The following DPP10 variants were observed in gnomAD, a reference collection of about 807,000 sequenced individuals.
DPP10 encodes inactive dipeptidyl peptidase 10.
In DPP10, 33 loss-of-function variants were observed where a neutral mutation model predicts 120.9. The observed-to-expected ratio is 0.27, with a 90% CI of 0.21 to 0.37. The LOEUF (loss-of-function observed/expected upper bound fraction) is 0.37, where lower values mean the gene tolerates loss of function less well. DPP10 is among the 10% of genes least tolerant of loss of function. The probability of loss-of-function intolerance (pLI) is 1.00; values close to 1 mark genes in which losing one functional copy is unlikely to be tolerated. For missense variants in DPP10, 816 were observed against 942.8 expected (o/e 0.87, Z 1.76); for synonymous variants, 337 against 326.1 (o/e 1.03, Z -0.36).
chr2:115,102,745 G>GAAAA, intron 1 of DPP10, among the ~76,000 whole-genome samples: 1 of 141,418 alleles, frequency 7.1e-6, no homozygotes. Flanking sequence ...TTCATTGACT[G>GAAAA]AAAAAAAAAA....
At chr2:114,545,527 T>C (rs112726723) in intron 1 of DPP10, among the ~76,000 whole-genome samples, 58 of 152,352 alleles carry the variant, frequency 3.8e-4, no homozygotes, top group African/African-American at 1.3e-3. Flanking sequence ...TCTTTCCAAC[T>C]GCCTTACCTT....
At chr2:114,718,400 G>GAA (rs71297184) in intron 1 of DPP10, among the ~76,000 whole-genome samples, 5,993 of 81,032 alleles carry the variant, frequency 0.074, 294 homozygotes, top group Middle Eastern at 0.14. Flanking sequence ...GACTCTGTTT[G>GAA]AAAAAAAAAA....
chr2:114,601,906 T>C (rs533696385), intron 1 of DPP10, among the ~76,000 whole-genome samples: 1 of 152,060 alleles, frequency 6.6e-6, no homozygotes, highest in African/African-American at 2.4e-5. Context: ...GTAATCAACT[T>C]TCAAGGCTTT....
At chr2:115,268,152 CATTT>C (rs1309112241) in intron 1 of DPP10, among the ~76,000 whole-genome samples, 8 of 152,158 alleles carry the variant, frequency 5.3e-5, no homozygotes, top group African/African-American at 1.9e-4. Context: ...TTGTAACTAA[CATTT>C]ATTGAGTTCC....
intron 1 of DPP10, among the ~76,000 whole-genome samples, chr2:114,551,667 C>A (rs532312953): frequency 2.8e-4 from 42 of 152,226 alleles, no homozygotes; most frequent in African/African-American, 9.9e-4. Flanking sequence ...ACATCAGAGG[C>A]CTCTCTTGTC....
At chr2:115,665,373 A>C (rs573403729) in intron 5 of DPP10, among the ~76,000 whole-genome samples, 1 of 152,334 alleles carries the variant, frequency 6.6e-6, no homozygotes, top group Non-Finnish European at 1.5e-5. Context: ...TTGTATTTTC[A>C]TGAACAATTA....
At chr2:115,053,873 A>C (rs1017933070) in intron 1 of DPP10, among the ~76,000 whole-genome samples, 1 of 152,190 alleles carries the variant, frequency 6.6e-6, no homozygotes, top group Non-Finnish European at 1.5e-5. Flanking sequence ...GGATACAAAT[A>C]TTTCTTGTTT....
At chr2:114,614,183 C>T (rs1693503070) in intron 1 of DPP10, among the ~76,000 whole-genome samples, 1 of 152,112 alleles carries the variant, frequency 6.6e-6, no homozygotes, top group East Asian at 1.9e-4. Flanking sequence ...ATTTAGCTTT[C>T]CTTCATACTT....
At chr2:114,513,446 G>A (rs574951063) in intron 1 of DPP10, among the ~76,000 whole-genome samples, 6 of 150,094 alleles carry the variant, frequency 4.0e-5, no homozygotes, top group Non-Finnish European at 7.4e-5. Flanking sequence ...GCTTGAAACC[G>A]GAAGGCAGAG....
In DPP10 at chr2:115,526,089, G is replaced by A. The variant is rs12468612; in HGVS notation, c.441+117G>A. The stretch of plus-strand genomic sequence containing the variant: ...AAATCTGGCATGTCTAGTAACTACC[G>A]GAGGACAGTAATGACTACTTTGCAC... On this transcript the variant is annotated intron_variant, in intron 5 of 25. Transcript: ENST00000410059. 1.0e-3 allele frequency: 747 copies of A among 718,152 alleles called. 3 individuals carry two copies. The highest frequency in any genetic ancestry group is 2.7e-3 in the Middle Eastern group (11 of 4,098). 44.5% of individuals were successfully genotyped at this position (718,152 alleles called of 1,614,324 possible). A position where few individuals can be genotyped will look rare whatever the true frequency, so the allele number is the denominator to read the frequency against.
chr2:115,250,239 T>C (rs1022595674), intron 1 of DPP10, among the ~76,000 whole-genome samples: 4 of 152,130 alleles, frequency 2.6e-5, no homozygotes, highest in Non-Finnish European at 5.9e-5. Flanking sequence ...AAAACAGATA[T>C]TTACTGAGAG....
chr2:115,616,972 C>T (rs2084550460), intron 5 of DPP10, among the ~76,000 whole-genome samples: 2 of 151,970 alleles, frequency 1.3e-5, no homozygotes, highest in African/African-American at 2.4e-5. Context: ...TGCTCTCATA[C>T]TCACTTACCC....
chr2:115,195,558 G>T (rs1434475121), intron 1 of DPP10, among the ~76,000 whole-genome samples: 1 of 152,190 alleles, frequency 6.6e-6, no homozygotes, highest in Non-Finnish European at 1.5e-5. Flanking sequence ...TTCTAACACG[G>T]TGAATACTGC....
chr2:115,474,410 T>C lies in DPP10; in HGVS notation c.272-25100T>C, dbSNP rs146986046. 2.1e-4 allele frequency among the ~76,000 whole-genome samples: 32 copies of C among 152,288 alleles called. No homozygotes were observed. In the East Asian group the frequency reaches 6.0e-3, roughly 29 times the overall value. ...CATAGACCATATCGACTTGAACTGCTTAGAAATTCAGCCACAGATTTTCTG... is the reference window on the plus strand; with the variant it reads ...CATAGACCATATCGACTTGAACTGCCTAGAAATTCAGCCACAGATTTTCTG... On this transcript the variant is annotated intron_variant, in intron 3 of 25. Transcript: ENST00000410059.
chr2:115,378,786 C>T (rs183980067), intron 3 of DPP10, among the ~76,000 whole-genome samples: 7 of 152,110 alleles, frequency 4.6e-5, no homozygotes, highest in Non-Finnish European at 7.4e-5. Context: ...TGTCAAAGGC[C>T]TTTTCTGCAT....
chr2:114,568,814 A>G (rs971839871), intron 1 of DPP10, among the ~76,000 whole-genome samples: 1 of 152,190 alleles, frequency 6.6e-6, no homozygotes, highest in African/African-American at 2.4e-5. Flanking sequence ...TGCCTTCTGC[A>G]TTCTACCTAT....
At chr2:114,555,071 T>G (rs1688180918) in intron 1 of DPP10, among the ~76,000 whole-genome samples, 1 of 152,180 alleles carries the variant, frequency 6.6e-6, no homozygotes, top group Non-Finnish European at 1.5e-5. Flanking sequence ...GTTATCCTAT[T>G]TCCTGGGATT....
chr2:115,313,144 AC>A (rs2061652580), intron 2 of DPP10, among the ~76,000 whole-genome samples: 1 of 152,054 alleles, frequency 6.6e-6, no homozygotes, highest in African/African-American at 2.4e-5. Context: ...AATTGCTTGA[AC>A]CTGGGAGTCA....
chr2:115,590,635 A>C (rs145811510), intron 5 of DPP10, among the ~76,000 whole-genome samples: 2,267 of 152,272 alleles, frequency 0.015, 54 homozygotes, highest in African/African-American at 0.052. Flanking sequence ...CATACGTGTG[A>C]ATGTGTCTTT....
Sources: gnomAD v4.1 joint callset for allele counts (sites outside exome capture counted in the v4.1 genomes callset) on GRCh38, gnomAD v4.1.1 for gene constraint, MANE v1.5 for transcripts, NCBI Gene and HGNC (gene_info 2026-07-23, HGNC 2026-07-21) for gene names.